The following CLIP1 variants were observed in gnomAD, a reference collection of about 807,000 sequenced individuals.
The protein encoded by CLIP1 is CAP-Gly domain-containing linker protein 1.
In CLIP1, 66 loss-of-function variants were observed where a neutral mutation model predicts 161.6. That is an observed-to-expected ratio of 0.41 (90% CI 0.33 to 0.50). The LOEUF is 0.50. Ranked by LOEUF, CLIP1 falls within the 20% of genes least tolerant of loss-of-function variation. The pLI, the probability that CLIP1 is intolerant of heterozygous loss-of-function variation, is 0.27. For missense variants in CLIP1, 1,376 were observed against 1,702.0 expected, an observed-to-expected ratio of 0.81 and a Z score of 3.37; for synonymous variants, 598 against 626.2, an observed-to-expected ratio of 0.96 and a Z score of 0.67.
At chr12:122,402,171 T>C (rs1432689725) in intron 1 of CLIP1, among the ~76,000 whole-genome samples, 1 of 152,152 alleles carries the variant, frequency 6.6e-6, no homozygotes, top group Non-Finnish European at 1.5e-5. Flanking sequence ...TTAATTTTCA[T>C]GATATAGTTT....
chr12:122,329,956 A>G (rs1846578857), intron 15 of CLIP1, among the ~76,000 whole-genome samples: 1 of 152,050 alleles, frequency 6.6e-6, no homozygotes, highest in South Asian at 2.1e-4. Flanking sequence ...CATCTCTACT[A>G]AAAATACAAA....
rs371862305 is a variant in CLIP1, at chr12:122,358,859, G to C, written c.1005+2100C>G. Among the ~76,000 whole-genome samples, 28 of 152,164 alleles carry C rather than the reference G, an allele frequency of 1.8e-4. No homozygotes were observed. The East Asian group carries it at 4.1e-3, about 22-fold the overall frequency. On this transcript the variant is annotated intron_variant, in intron 5 of 25. Coordinates refer to ENST00000620786, the MANE Select transcript of CLIP1 (RefSeq NM_001247997.2). ...GCAGATCACCTGAGGTCAGGTGTTC[G>C]AGACTGGCCTGGCCAACATGGTGAA...
chr12:122,290,826 C>G (rs1235138377), intron 20 of CLIP1, among the ~76,000 whole-genome samples: 1 of 151,764 alleles, frequency 6.6e-6, no homozygotes, highest in Non-Finnish European at 1.5e-5. Flanking sequence ...TAGGAGATAG[C>G]AAGCTGCATC....
intron 24 of CLIP1, chr12:122,276,488 G>A (rs932662245): frequency 3.2e-5 from 41 of 1,288,688 alleles, no homozygotes; most frequent in Non-Finnish European, 4.0e-5. Context: ...GAAACAAACC[G>A]AAGCAGAAAG....
rs1025809610 is a variant in CLIP1, at chr12:122,381,414, A to C, written c.-106-856T>G. On this transcript the variant is annotated intron_variant, in intron 1 of 25. Coordinates refer to ENST00000620786, the MANE Select transcript of CLIP1 (RefSeq NM_001247997.2). ...TTACCTTGTTTCTATCTAGAAAAAA[A>C]CAATATACTGCTGGTTTACTCAAGA... Among the ~76,000 whole-genome samples, 3 of 152,334 alleles carry C rather than the reference A, an allele frequency of 2.0e-5. No homozygotes were observed. In the East Asian group the frequency reaches 5.8e-4, roughly 29 times the overall value.
At chr12:122,328,214 C>G in intron 16 of CLIP1, 47 bp downstream of exon 16, 1 of 1,613,376 alleles carries the variant, frequency 6.2e-7, no homozygotes, top group Non-Finnish European at 8.5e-7. Flanking sequence ...CGTGTACTAT[C>G]CCTTGCCTTC....
chr12:122,419,939 A>AAC (rs1191113881), intron 1 of CLIP1, among the ~76,000 whole-genome samples: 1 of 151,330 alleles, frequency 6.6e-6, no homozygotes, highest in Non-Finnish European at 1.5e-5. Context: ...AAAAAAAAAA[A>AAC]AAAAAAAGCA....
chr12:122,274,206 A>G (rs372962233), intron 24 of CLIP1, 44 bp from the exon 25 acceptor site: 2 of 1,523,844 alleles, frequency 1.3e-6, no homozygotes, highest in African/African-American at 2.7e-5. Context: ...AAGAATATAT[A>G]TAAGCTGGAG....
intron 5 of CLIP1, 60 bp downstream of exon 5, chr12:122,360,899 T>C (rs1464669239): frequency 7.1e-7 from 1 of 1,400,794 alleles, no homozygotes; most frequent in Non-Finnish European, 9.7e-7. Context: ...GCAGGGGCAC[T>C]GACCACGGGC....
At chr12:122,354,905 T>A (rs1198915894) in intron 6 of CLIP1, 2 of 600,024 alleles carry the variant, frequency 3.3e-6, no homozygotes, top group Admixed American at 6.1e-5. Flanking sequence ...GACCAAACAC[T>A]AAGGTCGAAT....
At chr12:122,291,682 C>T (rs1950256946) in intron 20 of CLIP1, among the ~76,000 whole-genome samples, 1 of 152,058 alleles carries the variant, frequency 6.6e-6, no homozygotes, top group African/African-American at 2.4e-5. Context: ...GAGGTACACA[C>T]TGTTGATTTT....
chr12:122,404,741 CA>C (rs879539796), intron 1 of CLIP1, among the ~76,000 whole-genome samples: 136 of 137,106 alleles, frequency 9.9e-4, no homozygotes, highest in Admixed American at 9.7e-4. Context: ...AATAAAAATA[CA>C]AAAAAAAAAA....
chr12:122,364,182 A>C, intron 3 of CLIP1, 75 bp from the exon 4 acceptor site: 1 of 1,526,408 alleles, frequency 6.6e-7, no homozygotes, highest in Non-Finnish European at 9.0e-7. Flanking sequence ...CCTACTAGTA[A>C]CTAGGTACTA....
At chr12:122,332,876 G>A (rs1055701400) in intron 15 of CLIP1, 111 bp downstream of exon 15, 7 of 808,734 alleles carry the variant, frequency 8.7e-6, no homozygotes, top group Non-Finnish European at 1.1e-5. Flanking sequence ...AAAGAACAGA[G>A]ACGGGAAACT....
intron 12 of CLIP1, among the ~76,000 whole-genome samples, chr12:122,336,095 A>T (rs948928369): frequency 1.3e-5 from 2 of 152,266 alleles, no homozygotes; most frequent in Admixed American, 6.5e-5. Flanking sequence ...CATATGCCAT[A>T]CAACTTGAGA....
At chr12:122,416,130 C>T (rs1956747790) in intron 1 of CLIP1, among the ~76,000 whole-genome samples, 1 of 151,516 alleles carries the variant, frequency 6.6e-6, no homozygotes, top group Non-Finnish European at 1.5e-5. Flanking sequence ...CCCAGCTACT[C>T]AGGAGGCTGA....
At chr12:122,368,270 G>A (rs943356334) in intron 3 of CLIP1, among the ~76,000 whole-genome samples, 9 of 152,262 alleles carry the variant, frequency 5.9e-5, no homozygotes, top group African/African-American at 2.2e-4. Flanking sequence ...GCCATTGAGG[G>A]AGACAGACAA....
intron 1 of CLIP1, among the ~76,000 whole-genome samples, chr12:122,384,565 C>T (rs1334741185): frequency 6.6e-6 from 1 of 151,946 alleles, no homozygotes; most frequent in African/African-American, 2.4e-5. Flanking sequence ...AGTTCGAAAC[C>T]AGCCTGGCCA....
intron 1 of CLIP1, among the ~76,000 whole-genome samples, chr12:122,390,184 T>TATATAC (rs1156951325): frequency 7.4e-6 from 1 of 135,466 alleles, no homozygotes; most frequent in Non-Finnish European, 1.6e-5. Context: ...TATATATATA[T>TATATAC]ATATATATAT....
Sources: allele counts gnomAD v4.1 joint callset (sites outside exome capture counted in the v4.1 genomes callset), GRCh38; gene constraint gnomAD v4.1.1; transcripts MANE v1.5; gene names NCBI Gene and HGNC (gene_info 2026-07-23, HGNC 2026-07-21).